Variants in FAM221A observed in about 807,000 individuals in gnomAD.
FAM221A encodes family with sequence similarity 221 member A.
Under a neutral mutation model 37.6 loss-of-function variants are expected in FAM221A, and 43 were observed. The ratio of observed to expected loss-of-function variants is 1.15; its 90% CI spans 0.90 to 1.48. The LOEUF (loss-of-function observed/expected upper bound fraction) is 1.48. Ranked by LOEUF, FAM221A falls within the 40% of genes most tolerant of loss-of-function variation. The probability of loss-of-function intolerance (pLI) is 0.00; values close to 1 mark genes in which losing one functional copy is unlikely to be tolerated. For synonymous variants in FAM221A, 135 were observed against 132.9 expected (o/e 1.02, Z -0.11); for missense variants, 361 against 361.5 (o/e 1.00, Z 0.01).
chr7:23,689,489 T>A, intron 3 of FAM221A, 30 bp downstream of exon 3: 1 of 1,461,020 alleles, frequency 6.8e-7, no homozygotes, highest in African/African-American at 1.4e-5. Flanking sequence ...ACACATAAAC[T>A]CAGAATGTTT....
chr7:23,692,263 T>C (rs1584271208), intron 4 of FAM221A: 4 of 287,024 alleles, frequency 1.4e-5, no homozygotes, highest in Non-Finnish European at 1.8e-5. Flanking sequence ...GGTGTGTAAG[T>C]TTTTTTTTTC....
At chr7:23,693,877 A>G (rs1784893137) in intron 4 of FAM221A, 1 of 152,184 alleles carries the variant, frequency 6.6e-6, no homozygotes, top group Non-Finnish European at 1.5e-5. Flanking sequence ...CAGAACATGC[A>G]GGTTTGTTAC....
At chr7:23,680,311 C>A (rs1178375770) in intron 1 of FAM221A, 28 bp downstream of exon 1, 1 of 1,510,274 alleles carries the variant, frequency 6.6e-7, no homozygotes, top group South Asian at 1.2e-5. Context: ...GGCCTGCCCC[C>A]CCGCCGCTCC....
chr7:23,680,226 G>T lies in FAM221A; in HGVS notation c.8G>T (p.Arg3Leu), dbSNP rs1369400404. 3 of 1,549,652 alleles carry T rather than the reference G, an allele frequency of 1.9e-6. No individual in the cohort carries two copies. The highest frequency in any genetic ancestry group is 4.9e-5 in the East Asian group (2 of 40,766). Residue 3 changes from arginine to leucine, a missense_variant, in exon 1 of 7, where the codon CGG becomes CTG. Transcript: ENST00000344962. ME[R>L]LTLPLGGAAA... ...TTGGCTTCCCCACCGGCAATGGAGCGGTTGACGTTGCCTCTCGGCGGCGCG... is the reference window on the plus strand; with the variant it reads ...TTGGCTTCCCCACCGGCAATGGAGCTGTTGACGTTGCCTCTCGGCGGCGCG...
At chr7:23,702,982 T>C (rs935831262), downstream of FAM221A, 4 of 152,134 alleles carry the variant, frequency 2.6e-5, no homozygotes, top group African/African-American at 9.7e-5. Flanking sequence ...CCCAAAGATG[T>C]TGGGGAGCTA....
In FAM221A at chr7:23,702,576, T is replaced by C. The variant is rs929961705; in HGVS notation, c.*412T>C. 6.6e-6 allele frequency: 1 copy of C among 152,560 alleles called. No individual in the cohort carries two copies. The highest frequency in any genetic ancestry group is 2.4e-5 in the African/African-American group (1 of 41,466). 9.5% of individuals were successfully genotyped at this position (152,560 alleles called of 1,614,324 possible). On this transcript the variant is annotated 3_prime_UTR_variant, in exon 7 of 7. Transcript: ENST00000344962. ...GAACAAAAGAAAAAAATAGTTAAAA[T>C]CATTAATTTTTTTATTTTTCAAACT...
intron 4 of FAM221A, chr7:23,694,721 TGAA>T (rs1784951224): frequency 6.6e-6 from 1 of 152,356 alleles, no homozygotes; most frequent in South Asian, 2.1e-4. Flanking sequence ...GGGTTCAACC[TGAA>T]GATTTCTGTG....
chr7:23,691,590 G>A lies in FAM221A; in HGVS notation c.631G>A (p.Gly211Arg), dbSNP rs1344081882. Residue 211 changes from glycine (G) to arginine (R), a missense_variant, in exon 4 of 7, where the codon GGG (glycine) becomes AGG (arginine). Physicochemically the swap from Gly to Arg is moderately radical, Grantham distance 125 (BLOSUM62 -2). Transcript: ENST00000344962. ...AEGYMRLDDS[G>R]IGVPSVEFLE... ...AGGCTACATGCGGTTAGATGACAGT[G>A]GGATTGGTAAGTGATACTATATGAA... The A allele has an allele frequency of 1.1e-5, 17 of 1,593,842 alleles. No individual in the cohort carries two copies. Among genetic ancestry groups the A allele is most frequent in the Non-Finnish European group, 1.5e-5 (17 of 1,161,810 alleles).
At chr7:23,695,766 T>C (rs1307622451) in intron 4 of FAM221A, among the ~76,000 whole-genome samples, 1 of 152,240 alleles carries the variant, frequency 6.6e-6, no homozygotes, top group Non-Finnish European at 1.5e-5. Flanking sequence ...CAAAAGTGTT[T>C]CATTGCTTTT....
At chr7:23,693,382 A>T (rs1480979561) in intron 4 of FAM221A, 1 of 151,696 alleles carries the variant, frequency 6.6e-6, no homozygotes, top group Non-Finnish European at 1.5e-5. Flanking sequence ...TTTCAATTTG[A>T]TTTCCCTGGT....
chr7:23,689,289 A>G lies in FAM221A; in HGVS notation c.260A>G (p.Asp87Gly). 1.9e-6 allele frequency: 3 copies of G among 1,563,444 alleles called. No homozygotes were observed. The highest frequency in any genetic ancestry group is 1.2e-5 in the South Asian group (1 of 86,882). Residue 87 changes from aspartate to glycine, a missense_variant, in exon 3 of 7, where the codon GAC becomes GGC. Physicochemically the swap from Asp to Gly is moderately conservative, Grantham distance 94. Coordinates refer to ENST00000344962, the MANE Select transcript of FAM221A (RefSeq NM_199136.5). The stretch of plus-strand genomic sequence containing the variant: ...TTTAGGTATAAACAACATAAAACTG[A>G]CTTGGAAGCGATTCCTCAGCAGTGC... Reference protein sequence around the residue: ...CTHRYKQHKTDLEAIPQQCPI... With the variant: ...CTHRYKQHKTGLEAIPQQCPI...
At chr7:23,694,166 A>G (rs1479935086) in intron 4 of FAM221A, 1 of 152,222 alleles carries the variant, frequency 6.6e-6, no homozygotes, top group Non-Finnish European at 1.5e-5. Context: ...TGCAAAATAC[A>G]TGAACTCATT....
At chr7:23,690,474 G>A (rs1784678792) in intron 3 of FAM221A, among the ~76,000 whole-genome samples, 1 of 151,900 alleles carries the variant, frequency 6.6e-6, no homozygotes, top group African/African-American at 2.4e-5. Context: ...CAAAGTGCTG[G>A]GATTCCAGGC....
At chr7:23,696,192 G>A (rs1400847021) in intron 4 of FAM221A, among the ~76,000 whole-genome samples, 2 of 152,160 alleles carry the variant, frequency 1.3e-5, no homozygotes, top group Non-Finnish European at 2.9e-5. Context: ...GTAGACAATT[G>A]TAACACAATA....
rs1390105911 is a variant in FAM221A, at chr7:23,684,785, G to A, written c.239+113G>A. ...ACATTTAACAATTGTCCTTTATATA[G>A]TAGAGTAGAAATTATCAGCTGGGGA... On this transcript the variant is annotated intron_variant, in intron 2 of 6. Coordinates refer to ENST00000344962, the MANE Select transcript of FAM221A (RefSeq NM_199136.5). The A allele has an allele frequency of 3.9e-6, 4 of 1,016,296 alleles. No individual in the cohort carries two copies. In the African/African-American group the frequency reaches 6.5e-5, roughly 17 times the overall value. 63.0% of individuals were successfully genotyped at this position (1,016,296 alleles called of 1,614,324 possible). A position where few individuals can be genotyped will look rare whatever the true frequency, so the allele number is the denominator to read the frequency against.
At chr7:23,699,990 G>A (rs1785308422) in intron 5 of FAM221A, among the ~76,000 whole-genome samples, 1 of 152,186 alleles carries the variant, frequency 6.6e-6, no homozygotes, top group South Asian at 2.1e-4. Context: ...AGTTTCCAGA[G>A]GAATGGGTGG....
At chr7:23,698,439 A>G in intron 5 of FAM221A, 140 bp downstream of exon 5, 1 of 611,918 alleles carries the variant, frequency 1.6e-6, no homozygotes, top group South Asian at 2.0e-5. Flanking sequence ...ACTTTCTTTT[A>G]TGTAAGCCAC....
rs2128035624 is a variant in FAM221A, at chr7:23,684,527, C to G, written c.94C>G (p.Leu32Val). 1 of 1,609,712 alleles carries G rather than the reference C, an allele frequency of 6.2e-7. No homozygotes were observed. Among genetic ancestry groups the G allele is most frequent in the East Asian group, 2.2e-5 (1 of 44,840 alleles). ...TGTTGGTGAGGATGATGGAGGGAAACTTTTTACTCCTGAAGAATATGAAGA... is the reference window on the plus strand; with the variant it reads ...TGTTGGTGAGGATGATGGAGGGAAAGTTTTTACTCCTGAAGAATATGAAGA... Reference protein sequence around the residue: ...RIVGEDDGGKLFTPEEYEEYK... With the variant: ...RIVGEDDGGKVFTPEEYEEYK... The change falls in exon 2 of 7, where the codon CTT becomes GTT. Residue 32 changes from leucine (L) to valine (V), a missense_variant. Physicochemically the swap from Leu to Val is conservative, Grantham distance 32. Coordinates refer to ENST00000344962, the MANE Select transcript of FAM221A (RefSeq NM_199136.5).
chr7:23,697,547 G>A lies in FAM221A; in HGVS notation c.638-645G>A, dbSNP rs192413563. Among the ~76,000 whole-genome samples, 7 of 152,238 alleles carry A rather than the reference G, an allele frequency of 4.6e-5. No homozygotes were observed. The East Asian group carries it at 1.3e-3, about 29-fold the overall frequency. On this transcript the variant is annotated intron_variant, in intron 4 of 6. Transcript: ENST00000344962. ...AGATGGTTTCCTAGTAAGGAATAGA[G>A]TAAAAATACACTTATTCTACCCTTT...
Sources: allele counts gnomAD v4.1 joint callset (sites outside exome capture counted in the v4.1 genomes callset), GRCh38; gene constraint gnomAD v4.1.1; transcripts MANE v1.5; gene names NCBI Gene and HGNC (gene_info 2026-07-23, HGNC 2026-07-21).